DOCK8: variants seen among roughly 807,000 people sequenced by gnomAD.
The protein encoded by DOCK8 is dedicator of cytokinesis 8, also known as dedicator of cytokinesis protein 8.
Under a neutral mutation model 245.6 loss-of-function variants are expected in DOCK8, and 141 were observed. The observed-to-expected ratio is 0.57, with a 90% CI of 0.50 to 0.66. The LOEUF (loss-of-function observed/expected upper bound fraction) is 0.66. Ranked by LOEUF, DOCK8 falls within the 30% of genes least tolerant of loss-of-function variation. The pLI, the probability that DOCK8 is intolerant of heterozygous loss-of-function variation, is 0.00. For synonymous variants in DOCK8, 1,168 were observed against 970.2 expected (o/e 1.20, Z -3.79); for missense variants, 2,965 against 2,603.4 (o/e 1.14, Z -3.02).
At chr9:275,720 C>T (rs927549587) in intron 2 of DOCK8, among the ~76,000 whole-genome samples, 13 of 152,002 alleles carry the variant, frequency 8.6e-5, no homozygotes, top group African/African-American at 2.9e-4. Context: ...TCCCCAGTAG[C>T]TAGGAATACA....
chr9:361,796 C>T (rs1000434386), intron 14 of DOCK8, among the ~76,000 whole-genome samples: 1 of 152,130 alleles, frequency 6.6e-6, no homozygotes, highest in African/African-American at 2.4e-5. Flanking sequence ...AAATTGACAC[C>T]AATTTTATTT....
Position 355,272 on chromosome 9 carries a change from C to T in DOCK8, c.1680-12746C>T, listed in dbSNP as rs137870921. ...AGGCTGGAGTGCAGTGGCACAATCT[C>T]AGCTCACTGCAACCTCCGCCTTCCT... is the stretch of plus-strand genomic sequence containing the variant. On this transcript the variant is annotated intron_variant, in intron 14 of 47. Coordinates refer to ENST00000432829, the MANE Select transcript of DOCK8 (RefSeq NM_203447.4). Among the ~76,000 whole-genome samples the T allele has an allele frequency of 2.8e-3, 412 of 145,566 alleles. 2 individuals are homozygous for T. The highest frequency in any genetic ancestry group is 9.8e-3 in the African/African-American group (384 of 39,200).
rs10973014 is a variant in DOCK8 at position 376,538 on chromosome 9, G to T, written c.2205+233G>T. ...AGAACCTAGTATCTGCACTGTTGGT[G>T]GAGAAACTTTGCAGGGGGACTTGAT... On this transcript the variant is annotated intron_variant, in intron 19 of 47. Transcript: ENST00000432829. Among the ~76,000 whole-genome samples the T allele has an allele frequency of 0.39, 58,722 of 152,096 alleles. 14,198 individuals carry two copies. Among genetic ancestry groups the T allele is most frequent in the African/African-American group, 0.69 (28,516 of 41,470 alleles).
intron 26 of DOCK8, among the ~76,000 whole-genome samples, chr9:400,261 A>ACTT (rs1564013017): frequency 1.6e-4 from 12 of 75,914 alleles, no homozygotes; most frequent in Admixed American, 2.7e-4. Context: ...CATCACCACC[A>ACTT]CCTCCACCAT....
At chr9:347,925 G>A (rs111637778) in intron 14 of DOCK8, among the ~76,000 whole-genome samples, 60 of 152,238 alleles carry the variant, frequency 3.9e-4, no homozygotes, top group African/African-American at 1.4e-3. Flanking sequence ...TCAGACACAC[G>A]ACTACCTTTT....
chr9:223,622 CTTTTTT>C (rs113604836), intron 1 of DOCK8, among the ~76,000 whole-genome samples: 1 of 140,312 alleles, frequency 7.1e-6, no homozygotes, highest in Admixed American at 7.1e-5. Flanking sequence ...GTTTTAAAAT[CTTTTTT>C]TTTTTTTAGG....
chr9:379,781 C>G lies in DOCK8; in HGVS notation c.2451C>G (p.Ser817=). Residue 817 remains serine (S), a synonymous_variant, in exon 21 of 48, where the codon TCC becomes TCG. Coordinates refer to ENST00000432829, the MANE Select transcript of DOCK8 (RefSeq NM_203447.4). ...MVIAGQTANF[S]QFAFESVVAI... The stretch of plus-strand genomic sequence containing the variant: ...CTCTTGGTTCCTCAGCCAACTTCTC[C>G]CAGTTTGCCTTCGAGTCCGTGGTGG... The G allele has an allele frequency of 6.2e-7, 1 of 1,614,208 alleles. No homozygotes were observed. Among genetic ancestry groups the G allele is most frequent in the South Asian group, 1.1e-5 (1 of 91,084 alleles).
rs771775882 is a variant in DOCK8, at chr9:432,316, C to G, written c.4777C>G (p.Pro1593Ala). 20 of 1,613,874 alleles carry G rather than the reference C, an allele frequency of 1.2e-5. No individual in the cohort carries two copies. The highest frequency in any genetic ancestry group is 1.7e-5 in the Admixed American group (1 of 59,996). The change falls in exon 37 of 48, where the codon CCC becomes GCC. Residue 1593 changes from proline to alanine, a missense_variant. Coordinates refer to ENST00000432829, the MANE Select transcript of DOCK8 (RefSeq NM_203447.4). ...CACAGCCATGCAGATGACTCCTTTTCCCACCCAGGTACACCGAAGCACATA... is the reference window on the plus strand; with the variant it reads ...CACAGCCATGCAGATGACTCCTTTTGCCACCCAGGTACACCGAAGCACATA... ...EDTAMQMTPF[P>A]TQVEELLCNL...
intron 14 of DOCK8, chr9:366,645 G>A (rs1355761481): frequency 6.6e-6 from 1 of 152,226 alleles, no homozygotes; most frequent in African/African-American, 2.4e-5. Flanking sequence ...AAGGAGTTCT[G>A]AGGTCAAAAC....
chr9:423,343 G>A (rs1021260088), intron 33 of DOCK8, among the ~76,000 whole-genome samples: 6 of 152,078 alleles, frequency 3.9e-5, no homozygotes, highest in Non-Finnish European at 8.8e-5. Context: ...ACATGTTTCC[G>A]ATACCGTTTA....
At chr9:241,583 C>G (rs1291584640) in intron 1 of DOCK8, among the ~76,000 whole-genome samples, 3 of 152,156 alleles carry the variant, frequency 2.0e-5, no homozygotes, top group Non-Finnish European at 2.9e-5. Context: ...GGATACCATT[C>G]CAGTGTGTAT....
rs547912800 is a variant in DOCK8 at position 415,497 on chromosome 9, A to G, written c.3700+546A>G. The stretch of plus-strand genomic sequence containing the variant: ...GGTTAATATGTCTAGATTAGCAACA[A>G]GATGAAAGGATAAGTTGTCTTAAAG... On this transcript the variant is annotated intron_variant, in intron 29 of 47. Transcript: ENST00000432829. 5.9e-4 allele frequency among the ~76,000 whole-genome samples: 90 copies of G among 152,308 alleles called. 1 individual carries two copies. Among genetic ancestry groups the G allele is most frequent in the Non-Finnish European group, 7.6e-4 (52 of 68,028 alleles).
In DOCK8 at chr9:382,537, C is replaced by T; in HGVS notation, c.2630C>T (p.Pro877Leu). The T allele has an allele frequency of 6.2e-7, 1 of 1,613,956 alleles. No individual in the cohort carries two copies. The highest frequency in any genetic ancestry group is 1.1e-5 in the South Asian group (1 of 91,074). ...GGCGCTCCCACTGCCCTCCTAGACCCTCGGAGCTACCACACGTATGGCCGC... is the reference window on the plus strand; with the variant it reads ...GGCGCTCCCACTGCCCTCCTAGACCTTCGGAGCTACCACACGTATGGCCGC... ...KSGAPTALLDPRSYHTYGRTS... is the reference protein window; with the variant it reads ...KSGAPTALLDLRSYHTYGRTS... The change falls in exon 22 of 48, where the codon CCT (proline) becomes CTT (leucine). Residue 877 changes from proline to leucine, a missense_variant. Pro to Leu is a moderately conservative substitution (Grantham distance 98). This residue lies in a region of DOCK8 where 2,825 missense variants were observed against 2,453.5 expected (regional missense o/e 1.15). Transcript: ENST00000432829.
intron 4 of DOCK8, among the ~76,000 whole-genome samples, chr9:303,451 A>G (rs561367934): frequency 5.9e-5 from 9 of 152,256 alleles, no homozygotes; most frequent in Admixed American, 1.3e-4. Flanking sequence ...AATACCACAC[A>G]GCCATAACAA....
intron 43 of DOCK8, among the ~76,000 whole-genome samples, chr9:446,081 C>CT (rs1414806654): frequency 6.6e-6 from 1 of 152,240 alleles, no homozygotes; most frequent in African/African-American, 2.4e-5. Flanking sequence ...TTTGCAAACT[C>CT]TCATACCAAG....
At chr9:359,928 T>A (rs750362771) in intron 14 of DOCK8, among the ~76,000 whole-genome samples, 3 of 152,204 alleles carry the variant, frequency 2.0e-5, no homozygotes, top group African/African-American at 7.2e-5. Flanking sequence ...CAGAGCTTTT[T>A]ATGTATAAAC....
At chr9:335,934 G>A (rs2051287074) in intron 11 of DOCK8, among the ~76,000 whole-genome samples, 1 of 152,020 alleles carries the variant, frequency 6.6e-6, no homozygotes, top group Non-Finnish European at 1.5e-5. Flanking sequence ...GAACCCATGA[G>A]TTTTTGCAAT....
rs199771908 is a variant in DOCK8, at chr9:379,884, G to A, written c.2554G>A (p.Val852Met). Reference sequence around the variant, plus strand: ...GAGGAACTGCCTGCTGGCTTCCTACGTGCACTACGTCTTCCGCCTGCCAGA... The same window carrying A: ...GAGGAACTGCCTGCTGGCTTCCTACATGCACTACGTCTTCCGCCTGCCAGA... ...HGRNCLLASYVHYVFRLPEVQ... is the reference protein window; with the variant it reads ...HGRNCLLASYMHYVFRLPEVQ... Residue 852 changes from valine to methionine, a missense_variant, in exon 21 of 48, where the codon GTG becomes ATG. Physicochemically the swap from Val to Met is conservative, Grantham distance 21. Transcript: ENST00000432829. 4.3e-5 allele frequency: 69 copies of A among 1,614,182 alleles called. No individual in the cohort carries two copies. Among genetic ancestry groups the A allele is most frequent in the Non-Finnish European group, 5.5e-5 (65 of 1,180,014 alleles).
At chr9:255,246 C>T (rs946034769) in intron 1 of DOCK8, among the ~76,000 whole-genome samples, 6 of 152,144 alleles carry the variant, frequency 3.9e-5, no homozygotes, top group African/African-American at 1.2e-4. Context: ...ATCCTTATAA[C>T]GATCCTGAGA....
Sources: gnomAD v4.1 joint callset for allele counts (sites outside exome capture counted in the v4.1 genomes callset) on GRCh38, gnomAD v4.1.1 for gene constraint, gnomAD v4.1.1 regional missense constraint, MANE v1.5 for transcripts, NCBI Gene and HGNC (gene_info 2026-07-23, HGNC 2026-07-21) for gene names.